MARCHF1: variants seen among roughly 807,000 people sequenced by gnomAD.
The protein encoded by MARCHF1 is membrane associated ring-CH-type finger 1.
MARCHF1 carries 40 observed loss-of-function variants against 54.2 expected under a neutral mutation model. The observed-to-expected ratio is 0.74, with a 90% confidence interval of 0.57 to 0.96. MARCHF1 has a LOEUF of 0.96. MARCHF1 is among the 40% of genes least tolerant of loss of function. MARCHF1 has a pLI of 0.00. For synonymous variants in MARCHF1, 236 were observed against 236.3 expected (o/e 1.00, Z 0.01); for missense variants, 586 against 656.5 (o/e 0.89, Z 1.17).
At chr4:163,792,024 G>A (rs1285252654) in intron 4 of MARCHF1, among the ~76,000 whole-genome samples, 1 of 152,144 alleles carries the variant, frequency 6.6e-6, no homozygotes, top group Non-Finnish European at 1.5e-5. Flanking sequence ...TGGATCTGGT[G>A]CTGAAGCCAT....
intron 5 of MARCHF1, among the ~76,000 whole-genome samples, chr4:163,678,817 A>G (rs181317573): frequency 6.6e-6 from 1 of 152,366 alleles, no homozygotes; most frequent in Non-Finnish European, 1.5e-5. Context: ...GTTTATCCAC[A>G]TATTAACAGT....
At chr4:163,989,285 TTGAG>T (rs1428247584) in intron 2 of MARCHF1, among the ~76,000 whole-genome samples, 12 of 93,714 alleles carry the variant, frequency 1.3e-4, no homozygotes, top group East Asian at 1.0e-3. Flanking sequence ...GAATGAGGTG[TTGAG>T]AGAGAGAGAG....
intron 1 of MARCHF1, among the ~76,000 whole-genome samples, chr4:164,150,351 A>G (rs1729897248): frequency 6.6e-6 from 1 of 152,184 alleles, no homozygotes; most frequent in Admixed American, 6.6e-5. Context: ...TGCTTCCACT[A>G]ACCACAGGGA....
At chr4:164,042,496 A>AG (rs1754149688) in intron 2 of MARCHF1, among the ~76,000 whole-genome samples, 1 of 152,172 alleles carries the variant, frequency 6.6e-6, no homozygotes, top group African/African-American at 2.4e-5. Context: ...ACTCACTGTC[A>AG]TGAGAATAGC....
intron 2 of MARCHF1, among the ~76,000 whole-genome samples, chr4:164,072,248 T>G (rs186437611): frequency 6.6e-6 from 1 of 152,352 alleles, no homozygotes; most frequent in East Asian, 1.9e-4. Flanking sequence ...TTCCCGTCAT[T>G]TATTCATGTT....
At chr4:164,080,458 A>G (rs1295830299) in intron 2 of MARCHF1, among the ~76,000 whole-genome samples, 4 of 152,164 alleles carry the variant, frequency 2.6e-5, no homozygotes, top group African/African-American at 9.7e-5. Context: ...TTCCATTATT[A>G]TATAGATGAG....
chr4:164,327,904 G>C (rs1325254249), intron 1 of MARCHF1, among the ~76,000 whole-genome samples: 2 of 152,156 alleles, frequency 1.3e-5, no homozygotes, highest in Non-Finnish European at 2.9e-5. Context: ...TCCAGCATGA[G>C]GTATGTCATA....
chr4:164,110,064 T>C lies in MARCHF1; in HGVS notation c.-248+1524A>G, dbSNP rs1311550214. Reference sequence around the variant, plus strand: ...CAGAAGTTTCCTATTAATGTAAAATTTTTAAGTTTTAATGTTGTTGTTATT... The same window carrying C: ...CAGAAGTTTCCTATTAATGTAAAATCTTTAAGTTTTAATGTTGTTGTTATT... On this transcript the variant is annotated intron_variant, in intron 2 of 9. Transcript: ENST00000514618. 3.3e-5 allele frequency among the ~76,000 whole-genome samples: 5 copies of C among 151,306 alleles called. No individual in the cohort carries two copies. The East Asian group carries it at 9.7e-4, about 29-fold the overall frequency.
chr4:163,974,496 C>T (rs573169077), intron 3 of MARCHF1, among the ~76,000 whole-genome samples: 1 of 152,136 alleles, frequency 6.6e-6, no homozygotes, highest in South Asian at 2.1e-4. Flanking sequence ...ACTCTCCAAC[C>T]TTTGAATCTT....
chr4:163,939,444 C>T (rs906380056), intron 3 of MARCHF1, among the ~76,000 whole-genome samples: 3 of 152,080 alleles, frequency 2.0e-5, no homozygotes, highest in Admixed American at 2.0e-4. Context: ...ATCCACAGAA[C>T]GTATTTTCTT....
chr4:164,191,502 A>G (rs1415515031), intron 1 of MARCHF1, among the ~76,000 whole-genome samples: 1 of 152,162 alleles, frequency 6.6e-6, no homozygotes, highest in African/African-American at 2.4e-5. Context: ...GTCTCTACAA[A>G]TTTTTTGGAA....
chr4:163,600,244 A>T (rs999603570), intron 7 of MARCHF1, among the ~76,000 whole-genome samples: 1 of 152,068 alleles, frequency 6.6e-6, no homozygotes, highest in East Asian at 1.9e-4. Flanking sequence ...ACACACATAT[A>T]TCTTCTGGGC....
intron 1 of MARCHF1, among the ~76,000 whole-genome samples, chr4:164,194,837 G>C (rs772677202): frequency 6.6e-6 from 1 of 151,956 alleles, no homozygotes; most frequent in Non-Finnish European, 1.5e-5. Context: ...TGCATGTACA[G>C]AACATGCAGG....
At chr4:163,988,361 A>T (rs1480391931) in intron 3 of MARCHF1, 140 bp downstream of exon 3, 1 of 152,202 alleles carries the variant, frequency 6.6e-6, no homozygotes, top group Non-Finnish European at 1.5e-5. Context: ...GTTATAAGTA[A>T]TTCTCTTCCA....
intron 1 of MARCHF1, among the ~76,000 whole-genome samples, chr4:164,286,859 A>C (rs1442226042): frequency 6.7e-6 from 1 of 150,080 alleles, no homozygotes; most frequent in Non-Finnish European, 1.5e-5. Flanking sequence ...ATGAGTATTT[A>C]AAAAGGAAAT....
chr4:163,975,793 G>A (rs779543661), intron 3 of MARCHF1, among the ~76,000 whole-genome samples: 1 of 152,090 alleles, frequency 6.6e-6, no homozygotes, highest in Non-Finnish European at 1.5e-5. Flanking sequence ...CCTCACAAGA[G>A]GCCAAAATAG....
chr4:164,224,494 C>G (rs1418407464), intron 1 of MARCHF1, among the ~76,000 whole-genome samples: 3 of 151,874 alleles, frequency 2.0e-5, no homozygotes, highest in African/African-American at 7.2e-5. Flanking sequence ...TTTCATCCAT[C>G]TACCTACATC....
rs565035007 is a variant in MARCHF1, at chr4:163,749,716, A to G, written c.112-48853T>C. Among the ~76,000 whole-genome samples the G allele has an allele frequency of 7.2e-5, 11 of 152,110 alleles. 1 individual carries two copies. The South Asian group carries it at 2.1e-3, about 29-fold the overall frequency. On this transcript the variant is annotated intron_variant, in intron 4 of 9. Coordinates refer to ENST00000514618, the MANE Select transcript of MARCHF1 (RefSeq NM_001394959.1). ...GTGGTTAGACAGCTTCTAAGAGCCTATTTTGTGGAATCAGCCAAGCAGAAG... is the reference window on the plus strand; with the variant it reads ...GTGGTTAGACAGCTTCTAAGAGCCTGTTTTGTGGAATCAGCCAAGCAGAAG...
chr4:163,588,873 C>T (rs1211634782), intron 7 of MARCHF1, among the ~76,000 whole-genome samples: 1 of 151,884 alleles, frequency 6.6e-6, no homozygotes, highest in Non-Finnish European at 1.5e-5. Flanking sequence ...AAAGCACACA[C>T]GTGATTCTGA....
Sources: gnomAD v4.1 joint callset for allele counts (sites outside exome capture counted in the v4.1 genomes callset) on GRCh38, gnomAD v4.1.1 for gene constraint, MANE v1.5 for transcripts, NCBI Gene and HGNC (gene_info 2026-07-23, HGNC 2026-07-21) for gene names.